The following ASTN2 variants were observed in gnomAD, a reference collection of about 807,000 sequenced individuals.
ASTN2 encodes astrotactin 2.
Under a neutral mutation model 139.8 loss-of-function variants are expected in ASTN2, and 54 were observed. That is an observed-to-expected ratio of 0.39 (90% CI 0.31 to 0.48). ASTN2 has a LOEUF of 0.48. Ranked by LOEUF, ASTN2 falls within the 20% of genes least tolerant of loss-of-function variation. The probability of loss-of-function intolerance (pLI) is 0.95; values close to 1 mark genes in which losing one functional copy is unlikely to be tolerated. For missense variants in ASTN2, 1,565 were observed against 1,725.1 expected (o/e 0.91, Z 1.64); for synonymous variants, 756 against 719.5 (o/e 1.05, Z -0.81).
chr9:116,897,237 C>T (rs1056615426), intron 10 of ASTN2, among the ~76,000 whole-genome samples: 8 of 152,154 alleles, frequency 5.3e-5, no homozygotes, highest in African/African-American at 1.7e-4. Context: ...TAATACCAGG[C>T]GAAGGACTGC....
chr9:116,771,282 G>T (rs1348181286), intron 13 of ASTN2, among the ~76,000 whole-genome samples: 5 of 148,492 alleles, frequency 3.4e-5, no homozygotes, highest in African/African-American at 1.2e-4. Flanking sequence ...CTGCTACAGG[G>T]CACTTAATGA....
chr9:116,673,482 A>T (rs1407990388), intron 16 of ASTN2, among the ~76,000 whole-genome samples: 1 of 152,248 alleles, frequency 6.6e-6, no homozygotes, highest in Non-Finnish European at 1.5e-5. Context: ...TTGAAAGCCT[A>T]ATCTCCAGTA....
chr9:117,380,674 T>TA (rs1396742922), intron 1 of ASTN2, among the ~76,000 whole-genome samples: 33 of 151,434 alleles, frequency 2.2e-4, no homozygotes. Flanking sequence ...ACTGAAGTGA[T>TA]ATATGATGTG....
At chr9:117,004,432 T>C (rs1360372914) in intron 7 of ASTN2, among the ~76,000 whole-genome samples, 3 of 152,148 alleles carry the variant, frequency 2.0e-5, no homozygotes, top group African/African-American at 4.8e-5. Context: ...TTGGCCTATA[T>C]AGAGGCTACA....
At position 117,414,383 on chromosome 9, in the gene ASTN2, A is replaced by T. The variant is rs1377194030; in HGVS notation, c.442+114T>A. ...CTGGGCCCCTCCTCTACCCTCTGCCAACCCCACTCGGGGCAGCCCCGGGCA... is the reference window on the plus strand; with the variant it reads ...CTGGGCCCCTCCTCTACCCTCTGCCTACCCCACTCGGGGCAGCCCCGGGCA... On this transcript the variant is annotated intron_variant, in intron 1 of 22. Coordinates refer to ENST00000313400, the MANE Select transcript of ASTN2 (RefSeq NM_001365068.1). This position sits in a 1 kb window ranked among gnomAD's most constrained non-coding sequence, Gnocchi z 4.2. 1.6e-5 allele frequency: 24 copies of T among 1,498,372 alleles called. No individual in the cohort carries two copies. The highest frequency in any genetic ancestry group is 2.0e-5 in the Non-Finnish European group (22 of 1,123,244). 92.8% of individuals were successfully genotyped at this position (1,498,372 alleles called of 1,614,324 possible). A position where few individuals can be genotyped will look rare whatever the true frequency, so the allele number is the denominator to read the frequency against.
intron 3 of ASTN2, among the ~76,000 whole-genome samples, chr9:117,146,478 A>G (rs963343092): frequency 1.2e-4 from 17 of 143,910 alleles, no homozygotes; most frequent in South Asian, 4.2e-4. Context: ...GAGGAGAGAA[A>G]AAAAAAAAAA....
intron 10 of ASTN2, among the ~76,000 whole-genome samples, chr9:116,865,375 G>T (rs1832987268): frequency 6.8e-6 from 1 of 146,288 alleles, no homozygotes; most frequent in Non-Finnish European, 1.5e-5. Flanking sequence ...GGAGGCTGAG[G>T]TGAGAGGATC....
chr9:116,831,783 T>C (rs1255371923), intron 11 of ASTN2, among the ~76,000 whole-genome samples: 1 of 152,096 alleles, frequency 6.6e-6, no homozygotes, highest in Non-Finnish European at 1.5e-5. Flanking sequence ...TCCAGAAAAA[T>C]CTTGTCTATA....
intron 3 of ASTN2, among the ~76,000 whole-genome samples, chr9:117,154,504 CCT>C (rs1830391518): frequency 6.6e-6 from 1 of 152,000 alleles, no homozygotes; most frequent in Non-Finnish European, 1.5e-5. Context: ...CTTCACCAAG[CCT>C]CTCTCAGCCT....
chr9:116,547,135 AAG>A (rs1253905297), intron 19 of ASTN2, among the ~76,000 whole-genome samples: 2 of 152,186 alleles, frequency 1.3e-5, no homozygotes, highest in African/African-American at 4.8e-5. Context: ...TTAAGAACCA[AAG>A]AGGTTTCCAG....
At chr9:117,337,581 T>C (rs528246997) in intron 1 of ASTN2, among the ~76,000 whole-genome samples, 7 of 152,268 alleles carry the variant, frequency 4.6e-5, no homozygotes, top group African/African-American at 1.7e-4. Context: ...AAAGCAACTT[T>C]CTGGAGGCAA....
At chr9:117,051,988 G>A (rs1838923902) in intron 5 of ASTN2, among the ~76,000 whole-genome samples, 1 of 152,182 alleles carries the variant, frequency 6.6e-6, no homozygotes, top group Non-Finnish European at 1.5e-5. Flanking sequence ...TAATAAGCTG[G>A]TGCACAGTAG....
chr9:116,450,821 T>A (rs1848152066), intron 20 of ASTN2, among the ~76,000 whole-genome samples: 1 of 152,174 alleles, frequency 6.6e-6, no homozygotes, highest in Admixed American at 6.5e-5. Context: ...CAACTCAAGC[T>A]GACAACCCAT....
intron 4 of ASTN2, among the ~76,000 whole-genome samples, chr9:117,114,836 A>T (rs996670128): frequency 9.9e-5 from 15 of 152,130 alleles, no homozygotes; most frequent in African/African-American, 3.6e-4. Flanking sequence ...AAACCTGACT[A>T]CTCAGAGATT....
chr9:116,689,182 G>C (rs1860437653), intron 16 of ASTN2, among the ~76,000 whole-genome samples: 1 of 152,178 alleles, frequency 6.6e-6, no homozygotes, highest in African/African-American at 2.4e-5. Flanking sequence ...CCTAGAGTCA[G>C]ATACCCTGGG....
chr9:116,632,047 G>C (rs1313751562), intron 17 of ASTN2, among the ~76,000 whole-genome samples: 2 of 151,120 alleles, frequency 1.3e-5, no homozygotes, highest in African/African-American at 2.4e-5. Context: ...CCAGGAGGTG[G>C]AGGTTGCAGT....
intron 3 of ASTN2, among the ~76,000 whole-genome samples, chr9:117,191,643 C>G (rs1831351331): frequency 6.6e-6 from 1 of 152,202 alleles, no homozygotes; most frequent in Non-Finnish European, 1.5e-5. Context: ...CTGTCCTGGA[C>G]TTTCTTTGTC....
chr9:116,717,408 T>C (rs114928821), intron 16 of ASTN2, among the ~76,000 whole-genome samples: 126 of 152,270 alleles, frequency 8.3e-4, no homozygotes, highest in African/African-American at 2.8e-3. Context: ...GAGAAATACG[T>C]TGGCTCTGTC....
At chr9:116,844,153 C>T (rs550026712) in intron 11 of ASTN2, among the ~76,000 whole-genome samples, 40 of 152,302 alleles carry the variant, frequency 2.6e-4, no homozygotes, top group Non-Finnish European at 4.6e-4. Flanking sequence ...AAATAACCGC[C>T]TCCTGGGATT....
Sources: gnomAD v4.1 joint callset for allele counts (sites outside exome capture counted in the v4.1 genomes callset) on GRCh38, gnomAD v4.1.1 for gene constraint, Gnocchi (gnomAD v3.1) non-coding constraint, MANE v1.5 for transcripts, NCBI Gene and HGNC (gene_info 2026-07-23, HGNC 2026-07-21) for gene names.